SPSB4: variants seen among roughly 807,000 people sequenced by gnomAD.
SPSB4 encodes the protein splA/ryanodine receptor domain and SOCS box containing 4.
A neutral mutation model predicts 20.9 loss-of-function variants in SPSB4; 21 were observed. The ratio of observed to expected loss-of-function variants is 1.01; its 90% CI spans 0.71 to 1.45. SPSB4 has a LOEUF of 1.45. SPSB4 is among the 40% of genes most tolerant of loss of function. SPSB4 has a pLI of 0.00. For synonymous variants in SPSB4, 207 were observed against 183.8 expected (o/e 1.13, Z -1.02); for missense variants, 399 against 399.2 (o/e 1.00, Z 0.00).
chr3:141,121,329 C>CT (rs1246094776), intron 2 of SPSB4, among the ~76,000 whole-genome samples: 3 of 152,328 alleles, frequency 2.0e-5, no homozygotes. Context: ...ACCTTTCTCT[C>CT]TGGCTGCCCT....
intron 2 of SPSB4, chr3:141,132,058 G>T: frequency 1.1e-5 from 2 of 183,468 alleles, no homozygotes; most frequent in Non-Finnish European, 2.3e-5. Context: ...TGATTTCATG[G>T]AAAAAGTCTT....
At chr3:141,143,949 A>AAGAG (rs1402220646) in intron 2 of SPSB4, among the ~76,000 whole-genome samples, 2 of 152,264 alleles carry the variant, frequency 1.3e-5, no homozygotes, top group African/African-American at 4.8e-5. Context: ...TAAAAAGTAG[A>AAGAG]AGAAAAGCCT....
rs545665222 is a variant in SPSB4 at position 141,069,946 on chromosome 3, C to T, written c.694+3148C>T. Among the ~76,000 whole-genome samples the T allele has an allele frequency of 1.2e-4, 19 of 152,308 alleles. No individual in the cohort carries two copies. The South Asian group carries it at 3.1e-3, about 25-fold the overall frequency. ...AGCAAGACTTAGAAAGGGCTCACTA[C>T]GTTTAACTCTGGAAGCATGTATTCA... On this transcript the variant is annotated intron_variant, in intron 2 of 2. Coordinates refer to ENST00000310546, the MANE Select transcript of SPSB4 (RefSeq NM_080862.3).
chr3:141,090,973 G>A (rs912239892), intron 2 of SPSB4, among the ~76,000 whole-genome samples: 15 of 152,288 alleles, frequency 9.8e-5, no homozygotes, highest in Admixed American at 9.8e-4. Flanking sequence ...TGCTGTAAAG[G>A]ATAAGAAAAG....
chr3:141,139,665 C>G (rs1438987517), intron 2 of SPSB4, among the ~76,000 whole-genome samples: 1 of 151,396 alleles, frequency 6.6e-6, no homozygotes, highest in Non-Finnish European at 1.5e-5. Context: ...ATATTGGCCC[C>G]CACTCTCTTC....
intron 2 of SPSB4, among the ~76,000 whole-genome samples, chr3:141,095,535 C>T (rs926945220): frequency 2.0e-5 from 3 of 151,962 alleles, no homozygotes; most frequent in Non-Finnish European, 4.4e-5. Flanking sequence ...GCTCTGTTGT[C>T]CCCCACTGCC....
chr3:141,118,601 T>C (rs181027523), intron 2 of SPSB4, among the ~76,000 whole-genome samples: 1 of 152,258 alleles, frequency 6.6e-6, no homozygotes, highest in Non-Finnish European at 1.5e-5. Flanking sequence ...CTAGGTTTTC[T>C]TCTAGGGTTT....
At chr3:141,140,882 C>A (rs1375972286) in intron 2 of SPSB4, among the ~76,000 whole-genome samples, 1 of 152,238 alleles carries the variant, frequency 6.6e-6, no homozygotes, top group Non-Finnish European at 1.5e-5. Context: ...TTTAAGACTG[C>A]AGAGGTTATT....
At chr3:141,143,344 G>T (rs1005745673) in intron 2 of SPSB4, among the ~76,000 whole-genome samples, 4 of 152,192 alleles carry the variant, frequency 2.6e-5, no homozygotes, top group South Asian at 2.1e-4. Flanking sequence ...TTCCCCTAGG[G>T]ACGGGGCTAC....
At chr3:141,079,798 G>A (rs926023967) in intron 2 of SPSB4, among the ~76,000 whole-genome samples, 1 of 152,194 alleles carries the variant, frequency 6.6e-6, no homozygotes, top group Admixed American at 6.5e-5. Flanking sequence ...GGTCCCCTTT[G>A]GGGGAGGGGC....
In SPSB4 at chr3:141,111,295, G is replaced by A. The variant is rs541731479; in HGVS notation, c.695-35847G>A. 4.2e-4 allele frequency among the ~76,000 whole-genome samples: 63 copies of A among 149,510 alleles called. 1 individual carries two copies. The South Asian group carries it at 7.2e-3, about 17-fold the overall frequency. Reference sequence around the variant, plus strand: ...ATATTAAAGTGTTTGGTTGCAGTCCGCTGGGGATGTTATACCATACATAGC... The same window carrying A: ...ATATTAAAGTGTTTGGTTGCAGTCCACTGGGGATGTTATACCATACATAGC... On this transcript the variant is annotated intron_variant, in intron 2 of 2. Coordinates refer to ENST00000310546, the MANE Select transcript of SPSB4 (RefSeq NM_080862.3).
At chr3:141,135,274 A>G (rs73234872) in intron 2 of SPSB4, among the ~76,000 whole-genome samples, 3,020 of 151,912 alleles carry the variant, frequency 0.02, 64 homozygotes, top group Non-Finnish European at 0.026. Flanking sequence ...ATTGCATTGT[A>G]TTAATATACC....
intron 1 of SPSB4, among the ~76,000 whole-genome samples, chr3:141,053,009 A>G (rs1344368186): frequency 6.6e-6 from 1 of 152,140 alleles, no homozygotes; most frequent in African/African-American, 2.4e-5. Context: ...GAGAAGGTGG[A>G]GAGTTCTCAG....
intron 2 of SPSB4, among the ~76,000 whole-genome samples, chr3:141,103,890 G>C (rs552711854): frequency 1.6e-4 from 24 of 151,802 alleles, no homozygotes; most frequent in African/African-American, 5.1e-4. Flanking sequence ...TATGTTTAGG[G>C]TGATTAGTTC....
At chr3:141,097,433 G>T (rs192553651) in intron 2 of SPSB4, among the ~76,000 whole-genome samples, 36 of 151,856 alleles carry the variant, frequency 2.4e-4, no homozygotes, top group Admixed American at 1.2e-3. Flanking sequence ...TTGTTTTTTG[G>T]TTTTTTTTGA....
chr3:141,101,281 C>T (rs949922034), intron 2 of SPSB4, among the ~76,000 whole-genome samples: 8 of 152,194 alleles, frequency 5.3e-5, no homozygotes, highest in Admixed American at 2.6e-4. Flanking sequence ...TGAGGGCCCA[C>T]GCTTTGCACC....
At chr3:141,120,526 T>C (rs1469995053) in intron 2 of SPSB4, among the ~76,000 whole-genome samples, 1 of 145,310 alleles carries the variant, frequency 6.9e-6, no homozygotes, top group Admixed American at 6.6e-5. Context: ...AAGTCTCCCA[T>C]TATTATTGTG....
chr3:141,113,563 A>G (rs1157503106), intron 2 of SPSB4, among the ~76,000 whole-genome samples: 2 of 152,266 alleles, frequency 1.3e-5, no homozygotes, highest in Non-Finnish European at 2.9e-5. Flanking sequence ...ATGATTCCAT[A>G]CAATCATATA....
intron 2 of SPSB4, among the ~76,000 whole-genome samples, chr3:141,144,538 A>T (rs1333466387): frequency 6.6e-6 from 1 of 152,210 alleles, no homozygotes; most frequent in African/African-American, 2.4e-5. Flanking sequence ...GCACTCTCCG[A>T]GCTCTTAAAG....
Sources: gnomAD v4.1 joint callset for allele counts (sites outside exome capture counted in the v4.1 genomes callset) on GRCh38, gnomAD v4.1.1 for gene constraint, MANE v1.5 for transcripts, NCBI Gene and HGNC (gene_info 2026-07-23, HGNC 2026-07-21) for gene names.